FMN1: variants seen among roughly 807,000 people sequenced by gnomAD.
The protein encoded by FMN1 is formin 1.
FMN1 carries 110 observed loss-of-function variants against 132.4 expected under a neutral mutation model. The ratio of observed to expected loss-of-function variants is 0.83; its 90% CI spans 0.71 to 0.97. FMN1 has a LOEUF of 0.97. FMN1 is among the 50% of genes least tolerant of loss of function. FMN1 has a pLI of 0.00. For missense variants in FMN1, 1,792 were observed against 1,705.3 expected (o/e 1.05, Z -0.90); for synonymous variants, 722 against 651.7 (o/e 1.11, Z -1.64).
intron 9 of FMN1, 91 bp downstream of exon 9, chr15:32,964,016 T>TATACACACACACACACACACACAC (rs1555505892): frequency 2.1e-6 from 1 of 478,456 alleles, no homozygotes; most frequent in Non-Finnish European, 3.7e-6. Flanking sequence ...GTATATACGA[T>TATACACACACACACACACACACAC]ACACACACAC....
chr15:32,925,492 A>G (rs1228239208), intron 10 of FMN1, among the ~76,000 whole-genome samples: 1 of 152,208 alleles, frequency 6.6e-6, no homozygotes, highest in East Asian at 1.9e-4. Flanking sequence ...GGGGAAGTCT[A>G]CAAGACAAGT....
intron 16 of FMN1, among the ~76,000 whole-genome samples, chr15:32,865,257 A>C (rs2059365834): frequency 6.6e-6 from 1 of 152,236 alleles, no homozygotes; most frequent in African/African-American, 2.4e-5. Flanking sequence ...AAATGGGTGA[A>C]TTATGTGGAA....
intron 9 of FMN1, among the ~76,000 whole-genome samples, chr15:32,942,070 T>C (rs770036016): frequency 1.3e-5 from 2 of 152,224 alleles, no homozygotes; most frequent in Non-Finnish European, 1.5e-5. Flanking sequence ...ATGCCTAGTT[T>C]AAGGCAAAGC....
intron 4 of FMN1, among the ~76,000 whole-genome samples, chr15:33,092,657 C>T (rs1365093989): frequency 6.6e-6 from 1 of 152,126 alleles, no homozygotes; most frequent in Admixed American, 6.5e-5. Flanking sequence ...ATCGAGTGAA[C>T]CTTAGCCAAC....
At chr15:32,981,792 G>A (rs959935486) in intron 7 of FMN1, among the ~76,000 whole-genome samples, 3 of 151,820 alleles carry the variant, frequency 2.0e-5, no homozygotes, top group Non-Finnish European at 4.4e-5. Context: ...ATTCCACAAC[G>A]TATACACATA....
At chr15:32,874,017 G>GTTTTTTTTTTTT (rs962842419) in intron 16 of FMN1, among the ~76,000 whole-genome samples, 2 of 115,102 alleles carry the variant, frequency 1.7e-5, no homozygotes, top group African/African-American at 3.4e-5. Context: ...TATTTTAGTT[G>GTTTTTTTTTTTT]TTTTTTTTTT....
chr15:32,979,895 G>C (rs981989397), intron 7 of FMN1, among the ~76,000 whole-genome samples: 5 of 152,160 alleles, frequency 3.3e-5, no homozygotes. Context: ...TAAGCAAGGA[G>C]GTATTTGGCT....
chr15:33,110,265 C>T (rs571629737), intron 4 of FMN1, among the ~76,000 whole-genome samples: 68 of 152,070 alleles, frequency 4.5e-4, no homozygotes, highest in African/African-American at 1.6e-3. Context: ...CATAGATGGT[C>T]TATTCTCTTT....
intron 4 of FMN1, among the ~76,000 whole-genome samples, chr15:33,115,189 T>A (rs1055793857): frequency 6.6e-6 from 1 of 152,170 alleles, no homozygotes; most frequent in African/African-American, 2.4e-5. Flanking sequence ...TTCTTAGAAT[T>A]TAAGTGTTAA....
intron 4 of FMN1, among the ~76,000 whole-genome samples, chr15:33,110,425 A>G (rs1416856410): frequency 6.6e-6 from 1 of 152,112 alleles, no homozygotes; most frequent in African/African-American, 2.4e-5. Context: ...TGTAAATTTT[A>G]GCAGTAATTT....
intron 5 of FMN1, among the ~76,000 whole-genome samples, chr15:33,069,336 C>G (rs1047838125): frequency 4.6e-5 from 7 of 152,206 alleles, no homozygotes; most frequent in Admixed American, 1.3e-4. Context: ...TCCAGTCCCA[C>G]TAAGCAGGCA....
At chr15:32,915,154 G>A (rs758725486) in intron 10 of FMN1, among the ~76,000 whole-genome samples, 14 of 152,124 alleles carry the variant, frequency 9.2e-5, no homozygotes, top group Admixed American at 7.9e-4. Context: ...TCAGCCAGAA[G>A]TCTGAAAAAT....
intron 10 of FMN1, among the ~76,000 whole-genome samples, chr15:32,921,467 A>G (rs1395043123): frequency 6.6e-6 from 1 of 152,196 alleles, no homozygotes; most frequent in African/African-American, 2.4e-5. Context: ...TTCCATGAAC[A>G]GTGTGATAGA....
chr15:32,974,717 T>A (rs566483277), intron 7 of FMN1, among the ~76,000 whole-genome samples: 45 of 152,300 alleles, frequency 3.0e-4, no homozygotes, highest in Admixed American at 1.6e-3. Context: ...CAACAACTGT[T>A]CTTAATCCGT....
intron 6 of FMN1, among the ~76,000 whole-genome samples, chr15:33,056,769 A>G (rs547178883): frequency 6.6e-6 from 1 of 152,360 alleles, no homozygotes; most frequent in African/African-American, 2.4e-5. Flanking sequence ...ACTATAGGGG[A>G]ATGAAAATAA....
intron 6 of FMN1, among the ~76,000 whole-genome samples, chr15:33,031,376 C>G (rs1022784884): frequency 1.3e-5 from 2 of 152,296 alleles, no homozygotes; most frequent in Non-Finnish European, 2.9e-5. Flanking sequence ...AGAGGACTTG[C>G]AATCCACAGG....
Position 32,888,221 on chromosome 15 carries a change from C to G in FMN1, c.3786G>C (p.Lys1262Asn), listed in dbSNP as rs765016717. 2 of 1,613,090 alleles carry G rather than the reference C, an allele frequency of 1.2e-6. No homozygotes were observed. Among genetic ancestry groups the G allele is most frequent in the African/African-American group, 1.3e-5 (1 of 74,910 alleles). The change falls in exon 16 of 21, where the codon AAG becomes AAC. Residue 1262 changes from lysine (K) to asparagine (N), a missense_variant. By Grantham distance (94) the Lys-to-Asn change is moderately conservative. Around this residue, in one of 3 missense-constraint regions of FMN1, gnomAD observed 1,150 missense variants for 1,043.1 expected, o/e 1.10. Coordinates refer to ENST00000616417, the MANE Select transcript of FMN1 (RefSeq NM_001277313.2). ...TCAAATCTTTTATGAGGTCTTCAAA[C>G]TTGACTTGGGAGGCCAGAAAGAAAT... ...PQDFFLASQV[K>N]FEDLIKDLRK...
chr15:33,093,590 G>A lies in FMN1; in HGVS notation c.1868-4616C>T, dbSNP rs1306661299. Among the ~76,000 whole-genome samples, 6 of 152,280 alleles carry A rather than the reference G, an allele frequency of 3.9e-5. No individual in the cohort carries two copies. The East Asian group carries it at 5.8e-4, about 15-fold the overall frequency. ...ATTTTCATTCTCAGCAGTGTTAAAT[G>A]ACACAATGTCACCAAACCACCTAGG... On this transcript the variant is annotated intron_variant, in intron 4 of 20. Coordinates refer to ENST00000616417, the MANE Select transcript of FMN1 (RefSeq NM_001277313.2).
chr15:33,041,365 CT>C (rs2141119945), intron 6 of FMN1, among the ~76,000 whole-genome samples: 1 of 142,040 alleles, frequency 7.0e-6, no homozygotes, highest in East Asian at 2.0e-4. Context: ...TCTTGTTCAG[CT>C]TTCTTTTGAC....
Sources: allele counts gnomAD v4.1 joint callset (sites outside exome capture counted in the v4.1 genomes callset), GRCh38; gene constraint gnomAD v4.1.1; regional missense constraint gnomAD v4.1.1; transcripts MANE v1.5; gene names NCBI Gene and HGNC (gene_info 2026-07-23, HGNC 2026-07-21).